The following FRMD1 variants were observed in gnomAD, a reference collection of about 807,000 sequenced individuals.
The protein encoded by FRMD1 is FERM domain containing 1.
In FRMD1, 51 loss-of-function variants were observed where a neutral mutation model predicts 54.9. That is an observed-to-expected ratio of 0.93 (90% CI 0.74 to 1.17). The LOEUF is 1.17. Ranked by LOEUF, FRMD1 falls within the 50% of genes most tolerant of loss-of-function variation. The pLI, the probability that FRMD1 is intolerant of heterozygous loss-of-function variation, is 0.00. For synonymous variants in FRMD1, 324 were observed against 306.4 expected, an observed-to-expected ratio of 1.06 and a Z score of -0.60; for missense variants, 729 against 743.0, an observed-to-expected ratio of 0.98 and a Z score of 0.22.
chr6:168,066,832 C>A lies in FRMD1; in HGVS notation c.385-1G>T, dbSNP rs200714518. On this transcript the variant is annotated splice_acceptor_variant, in intron 3 of 10. Transcript: ENST00000283309. LOFTEE classifies it high-confidence loss of function. ...AGGGGGCTCTGGGTTTCTCATTTCC[C>A]TAGTGGGGAAAATGCAAGAAAGAGC... 6.1e-5 allele frequency: 99 copies of A among 1,611,750 alleles called. No homozygotes were observed. The highest frequency in any genetic ancestry group is 3.4e-6 in the Non-Finnish European group (4 of 1,179,526).
At position 168,057,349 on chromosome 6, in the gene FRMD1, G is replaced by A; in HGVS notation, c.1408-10C>T. 1 of 1,607,486 alleles carries A rather than the reference G, an allele frequency of 6.2e-7. No individual in the cohort carries two copies. The highest frequency in any genetic ancestry group is 8.5e-7 in the Non-Finnish European group (1 of 1,179,630). On this transcript the variant is annotated splice_polypyrimidine_tract_variant and intron_variant, in intron 10 of 10. Coordinates refer to ENST00000283309, the MANE Select transcript of FRMD1 (RefSeq NM_024919.6). ...CTGTCATTTCCTGGATCTGCGGGGA[G>A]AGGCCATGGGATGAGGCCTGCTGCC... is the stretch of plus-strand genomic sequence containing the variant.
In FRMD1 at chr6:168,066,846, G is replaced by A; in HGVS notation, c.385-15C>T. The A allele has an allele frequency of 6.2e-7, 1 of 1,609,998 alleles. No homozygotes were observed. The highest frequency in any genetic ancestry group is 8.5e-7 in the Non-Finnish European group (1 of 1,178,866). On this transcript the variant is annotated splice_polypyrimidine_tract_variant and intron_variant, in intron 3 of 10. Transcript: ENST00000283309. ...TTCTCATTTCCCTAGTGGGGAAAATGCAAGAAAGAGCAAGTGAGCCGCAGG... is the reference window on the plus strand; with the variant it reads ...TTCTCATTTCCCTAGTGGGGAAAATACAAGAAAGAGCAAGTGAGCCGCAGG...
chr6:168,091,223 G>A (rs1284166926), intron 1 of FRMD1, among the ~76,000 whole-genome samples: 1 of 152,228 alleles, frequency 6.6e-6, no homozygotes, highest in African/African-American at 2.4e-5. Flanking sequence ...AGGCCAAGGA[G>A]CCCCGGGGCT....
chr6:168,067,838 G>A (rs1012713729), intron 2 of FRMD1, among the ~76,000 whole-genome samples: 2 of 152,108 alleles, frequency 1.3e-5, no homozygotes, highest in Admixed American at 6.6e-5. Flanking sequence ...GGTTGGATGC[G>A]GTGGCTCAAC....
chr6:168,087,495 G>A (rs1800941212), intron 1 of FRMD1, among the ~76,000 whole-genome samples: 1 of 152,248 alleles, frequency 6.6e-6, no homozygotes. Context: ...GGTGCACAGA[G>A]AGGTTAAAGG....
chr6:168,061,323 C>G (rs1799721218), intron 8 of FRMD1, among the ~76,000 whole-genome samples: 1 of 151,766 alleles, frequency 6.6e-6, no homozygotes, highest in South Asian at 2.1e-4. Context: ...GGGAGGGAGA[C>G]CAGGCCTGTG....
At chr6:168,067,621 C>T (rs1800110402) in intron 2 of FRMD1, 175 bp from the exon 3 acceptor site, 1 of 566,358 alleles carries the variant, frequency 1.8e-6, no homozygotes, top group Non-Finnish European at 3.2e-6. Context: ...AGCATCTTAA[C>T]ACACATGCAG....
At chr6:168,090,202 T>C (rs1396294003) in intron 1 of FRMD1, among the ~76,000 whole-genome samples, 1 of 152,106 alleles carries the variant, frequency 6.6e-6, no homozygotes, top group Non-Finnish European at 1.5e-5. Context: ...TAGAGTCTCC[T>C]CTGCCATTCT....
chr6:168,056,823 C>T lies in FRMD1; in HGVS notation c.*274G>A. On this transcript the variant is annotated 3_prime_UTR_variant, in exon 11 of 11. Transcript: ENST00000283309. The stretch of plus-strand genomic sequence containing the variant: ...GGCCAACACCATGGCTCTCTGGACA[C>T]TTGACAGCCAGACCTTGAACTGGCT... The T allele has an allele frequency of 3.1e-6, 1 of 317,982 alleles. No individual in the cohort carries two copies. The highest frequency in any genetic ancestry group is 5.7e-6 in the Non-Finnish European group (1 of 173,930). The allele number at this position is 317,982 out of a possible 1,614,324, so 19.7% of individuals were successfully genotyped here.
chr6:168,061,849 G>T lies in FRMD1; in HGVS notation c.1003C>A (p.Arg335=), dbSNP rs144438714. The change falls in exon 8 of 11, where the codon CGG becomes AGG. Residue 335 remains arginine, a synonymous_variant. Transcript: ENST00000283309. The part of the protein sequence containing the change: ...RASHQLHLRV[R]PTLQQLRQRE... ...TGCCGCAGCTGTTGCAGAGTGGGCC[G>T]CACGCGGAGGTGGAGCTGGTGGCTG... 3.8e-6 allele frequency: 6 copies of T among 1,574,590 alleles called. No individual in the cohort carries two copies. The African/African-American group carries it at 4.1e-5, about 11-fold the overall frequency.
At position 168,060,990 on chromosome 6, in the gene FRMD1, G is replaced by T; in HGVS notation, c.1113C>A (p.Phe371Leu). The change falls in exon 9 of 11, where the codon TTC becomes TTA. Residue 371 changes from phenylalanine to leucine, a missense_variant. Coordinates refer to ENST00000283309, the MANE Select transcript of FRMD1 (RefSeq NM_024919.6). Reference sequence around the variant, plus strand: ...GCTGGCTGCTGACCCCACTGCCCGGGAAGCTCCTGCTGGCCAGGTCCAGCT... The same window carrying T: ...GCTGGCTGCTGACCCCACTGCCCGGTAAGCTCCTGCTGGCCAGGTCCAGCT... Reference protein sequence around the residue: ...ELELDLASRSFPGSGVSSQHC... With the variant: ...ELELDLASRSLPGSGVSSQHC... The T allele has an allele frequency of 6.2e-7, 1 of 1,613,188 alleles. No individual in the cohort carries two copies. Among genetic ancestry groups the T allele is most frequent in the Non-Finnish European group, 8.5e-7 (1 of 1,179,972 alleles).
In FRMD1 at chr6:168,057,202, C is replaced by T. The variant is rs746699421; in HGVS notation, c.1545G>A (p.Leu515=). The change falls in exon 11 of 11, where the codon CTG becomes CTA. Residue 515 remains leucine (L), a synonymous_variant. Coordinates refer to ENST00000283309, the MANE Select transcript of FRMD1 (RefSeq NM_024919.6). The part of the protein sequence containing the change: ...HTFHRALDCR[L]AGPCETRATL... ...TGGCCCTGGTCTCGCAGGGGCCTGC[C>T]AGCCTGCAGTCCAGGGCGCGGTGGA... 2.5e-6 allele frequency: 4 copies of T among 1,604,314 alleles called. No individual in the cohort carries two copies. Among genetic ancestry groups the T allele is most frequent in the Admixed American group, 3.4e-5 (2 of 59,180 alleles).
In FRMD1 at chr6:168,087,777, T is replaced by TC. The variant is rs1483327438; in HGVS notation, c.-11-8754dup. On this transcript the variant is annotated intron_variant, in intron 1 of 12. Transcript: ENST00000644440. Reference sequence around the variant, plus strand: ...AAAGAGGGGCTGAAGCAGGACCCATTCCTAGGTCCATCCCCTTCTACCGCT... The same window carrying TC: ...AAAGAGGGGCTGAAGCAGGACCCATTCCCTAGGTCCATCCCCTTCTACCGCT... Among the ~76,000 whole-genome samples the TC allele has an allele frequency of 9.2e-5, 14 of 152,296 alleles. No individual in the cohort carries two copies. The East Asian group carries it at 2.7e-3, about 29-fold the overall frequency.
chr6:168,068,600 T>G (rs886347640), intron 2 of FRMD1, among the ~76,000 whole-genome samples: 1 of 152,222 alleles, frequency 6.6e-6, no homozygotes, highest in Non-Finnish European at 1.5e-5. Context: ...GTACTATTTA[T>G]TGTTATTATT....
upstream of FRMD1, among the ~76,000 whole-genome samples, chr6:168,084,762 C>T (rs546070787): frequency 2.6e-5 from 4 of 152,348 alleles, no homozygotes; most frequent in East Asian, 7.7e-4. Flanking sequence ...GTTATCCTCC[C>T]AAGACCAAGA....
At chr6:168,088,038 C>T (rs1420521467) in intron 1 of FRMD1, among the ~76,000 whole-genome samples, 3 of 152,166 alleles carry the variant, frequency 2.0e-5, no homozygotes, top group African/African-American at 7.2e-5. Flanking sequence ...GACCCTGCCC[C>T]GAAAAGGCTC....
upstream of FRMD1, chr6:168,081,380 A>G (rs1800825338): frequency 1.7e-5 from 26 of 1,535,024 alleles, no homozygotes; most frequent in Non-Finnish European, 2.3e-5. Flanking sequence ...CCTGTTCGTG[A>G]TGGAAGAGGC....
intron 8 of FRMD1, 141 bp from the exon 9 acceptor site, chr6:168,061,198 G>A (rs896554203): frequency 6.2e-6 from 5 of 804,612 alleles, no homozygotes; most frequent in Admixed American, 2.9e-5. Context: ...CAGGCCTGCG[G>A]GTAAACGCTG....
intron 1 of FRMD1, among the ~76,000 whole-genome samples, chr6:168,089,669 G>A (rs141919015): frequency 0.011 from 1,626 of 152,352 alleles, 32 homozygotes; most frequent in African/African-American, 0.038. Context: ...GGCCCCGTCT[G>A]TCCTCAGGTC....
Sources: gnomAD v4.1 joint callset for allele counts (sites outside exome capture counted in the v4.1 genomes callset) on GRCh38, gnomAD v4.1.1 for gene constraint, MANE v1.5 for transcripts, NCBI Gene and HGNC (gene_info 2026-07-23, HGNC 2026-07-21) for gene names.